The following MPRIP variants were observed in gnomAD, a reference collection of about 807,000 sequenced individuals.
MPRIP encodes the protein myosin phosphatase Rho interacting protein, also known as myosin phosphatase Rho-interacting protein.
A neutral mutation model predicts 234.9 loss-of-function variants in MPRIP; 59 were observed. That is an observed-to-expected ratio of 0.25 (90% confidence interval 0.20 to 0.31). The LOEUF is 0.31. MPRIP is among the 10% of genes least tolerant of loss of function. The probability of loss-of-function intolerance (pLI) is 1.00; values close to 1 mark genes in which losing one functional copy is unlikely to be tolerated. For synonymous variants in MPRIP, 1,144 were observed against 1,263.9 expected (o/e 0.91, Z 2.01); for missense variants, 2,436 against 3,071.0 (o/e 0.79, Z 4.89).
chr17:17,097,890 T>C (rs1207970485), intron 3 of MPRIP, among the ~76,000 whole-genome samples: 3 of 152,218 alleles, frequency 2.0e-5, no homozygotes, highest in Admixed American at 6.5e-5. Context: ...CACAGATGTT[T>C]AAGACTAAGT....
rs755348862 is a variant in MPRIP at position 17,043,118 on chromosome 17, T to G, written c.123+147T>G. 3.9e-6 allele frequency: 3 copies of G among 761,612 alleles called. No individual in the cohort carries two copies. The East Asian group carries it at 9.1e-5, about 23-fold the overall frequency. The allele number at this position is 761,612 out of a possible 1,614,324, so 47.2% of individuals were successfully genotyped here. A position where few individuals can be genotyped will look rare whatever the true frequency, so the allele number is the denominator to read the frequency against. ...ATGGGGACGGGGACGGGAAGTGCAT[T>G]GACAGAGCTGGGACAAAGGGAAAAT... On this transcript the variant is annotated intron_variant, in intron 1 of 23. Coordinates refer to ENST00000651222, the MANE Select transcript of MPRIP (RefSeq NM_001364716.4).
intron 1 of MPRIP, among the ~76,000 whole-genome samples, chr17:17,053,728 G>A (rs955452591): frequency 2.6e-5 from 4 of 152,212 alleles, no homozygotes; most frequent in Admixed American, 2.6e-4. Flanking sequence ...ACCTGTTTCT[G>A]TCTGTCCCAT....
chr17:17,109,776 T>C lies in MPRIP; in HGVS notation c.268-16926T>C, dbSNP rs777493629. ...AATTCTAGGGCTGGGGCGGGAAATA[T>C]ACCCTAAAGGTACATGAAGCACCTT... On this transcript the variant is annotated intron_variant, in intron 3 of 23. Coordinates refer to ENST00000651222, the MANE Select transcript of MPRIP (RefSeq NM_001364716.4). Among the ~76,000 whole-genome samples, 3 of 152,072 alleles carry C rather than the reference T, an allele frequency of 2.0e-5. No individual in the cohort carries two copies. The South Asian group carries it at 6.2e-4, about 31-fold the overall frequency.
At position 17,167,354 on chromosome 17, in the gene MPRIP, C is replaced by T; in HGVS notation, c.5763C>T (p.Ala1921=). The stretch of plus-strand genomic sequence containing the variant: ...ATGCAGAGCTCAAGGCCAAGGCCGC[C>T]CAGCTAGACCATCAGCAGCAGTGTC... The part of the protein sequence containing the change: ...RENAELKAKA[A]QLDHQQQCLE... The change falls in exon 16 of 24, where the codon GCC becomes GCT. Residue 1921 remains alanine, a synonymous_variant. Transcript: ENST00000651222. The surrounding 1 kb of genome is among the most constrained non-coding windows in gnomAD (Gnocchi z 5.9). 7.7e-7 allele frequency: 1 copy of T among 1,304,138 alleles called. No individual in the cohort carries two copies. Among genetic ancestry groups the T allele is most frequent in the Non-Finnish European group, 1.0e-6 (1 of 988,962 alleles). 80.8% of individuals were successfully genotyped at this position (1,304,138 alleles called of 1,614,324 possible).
intron 22 of MPRIP, among the ~76,000 whole-genome samples, chr17:17,179,245 G>A (rs1301399755): frequency 2.0e-5 from 3 of 151,840 alleles, no homozygotes; most frequent in South Asian, 2.1e-4. Context: ...TCAGGAGTTC[G>A]AGACCAGTCT....
At chr17:17,162,735 C>G (rs1034364081) in intron 15 of MPRIP, among the ~76,000 whole-genome samples, 1 of 152,166 alleles carries the variant, frequency 6.6e-6, no homozygotes, top group Non-Finnish European at 1.5e-5. Flanking sequence ...TGAAATGCTC[C>G]AAAATCCAAA....
In MPRIP at chr17:17,166,564, T is replaced by C; in HGVS notation, c.4973T>C (p.Leu1658Pro). 1 of 1,304,212 alleles carries C rather than the reference T, an allele frequency of 7.7e-7. No homozygotes were observed. Among genetic ancestry groups the C allele is most frequent in the Non-Finnish European group, 1.0e-6 (1 of 988,972 alleles). 80.8% of individuals were successfully genotyped at this position (1,304,212 alleles called of 1,614,324 possible). The change falls in exon 16 of 24, where the codon CTG becomes CCG. Residue 1658 changes from leucine (L) to proline (P), a missense_variant. Physicochemically the swap from Leu to Pro is moderately conservative, Grantham distance 98. Coordinates refer to ENST00000651222, the MANE Select transcript of MPRIP (RefSeq NM_001364716.4). This position sits in a 1 kb window ranked among gnomAD's most constrained non-coding sequence, Gnocchi z 4.4. The part of the protein sequence containing the change: ...GDGQQSIPQG[L>P]APILANATWV... Reference sequence around the variant, plus strand: ...GGGCAGCAAAGCATCCCACAGGGCCTGGCCCCCATCCTGGCCAATGCCACA... The same window carrying C: ...GGGCAGCAAAGCATCCCACAGGGCCCGGCCCCCATCCTGGCCAATGCCACA...
At chr17:17,145,545 G>A (rs1184893014) in intron 9 of MPRIP, among the ~76,000 whole-genome samples, 1 of 152,220 alleles carries the variant, frequency 6.6e-6, no homozygotes, top group Non-Finnish European at 1.5e-5. Context: ...GTGGAGAAAT[G>A]GCCTGAGGGT....
At chr17:17,051,414 C>T (rs938094840) in intron 1 of MPRIP, among the ~76,000 whole-genome samples, 3 of 152,148 alleles carry the variant, frequency 2.0e-5, no homozygotes, top group Non-Finnish European at 4.4e-5. Flanking sequence ...ACTCATTCCC[C>T]AAGCCACTCT....
At chr17:17,171,979 T>C in intron 17 of MPRIP, 114 bp downstream of exon 17, 3 of 1,235,830 alleles carry the variant, frequency 2.4e-6, no homozygotes, top group Non-Finnish European at 2.2e-6. Context: ...AGATGTAAAC[T>C]TCATTGTTGA....
intron 3 of MPRIP, among the ~76,000 whole-genome samples, chr17:17,124,994 G>A (rs2090463614): frequency 6.6e-6 from 1 of 152,174 alleles, no homozygotes; most frequent in African/African-American, 2.4e-5. Flanking sequence ...AAGGTGGCAG[G>A]GGCTTGGATC....
At chr17:17,073,892 C>A (rs922371025) in intron 1 of MPRIP, among the ~76,000 whole-genome samples, 3 of 152,212 alleles carry the variant, frequency 2.0e-5, no homozygotes, top group African/African-American at 7.2e-5. Flanking sequence ...ACCCACTCCC[C>A]TGTTGCAGCA....
At chr17:17,111,281 C>T (rs1249991870) in intron 3 of MPRIP, among the ~76,000 whole-genome samples, 1 of 147,350 alleles carries the variant, frequency 6.8e-6, no homozygotes, top group Non-Finnish European at 1.5e-5. Flanking sequence ...AGAGAGGAAG[C>T]CACTGTAGGC....
At chr17:17,085,464 T>C (rs1383247552) in intron 3 of MPRIP, among the ~76,000 whole-genome samples, 2 of 152,256 alleles carry the variant, frequency 1.3e-5, no homozygotes, top group Non-Finnish European at 2.9e-5. Flanking sequence ...TTCAGACTTT[T>C]GGTTGAGAGA....
At chr17:17,133,038 G>A (rs568646100) in intron 5 of MPRIP, among the ~76,000 whole-genome samples, 20 of 152,278 alleles carry the variant, frequency 1.3e-4, no homozygotes, top group African/African-American at 4.6e-4. Context: ...TGCAGAAGCC[G>A]CTCTCAGCCC....
chr17:17,165,042 A>C lies in MPRIP; in HGVS notation c.3451A>C (p.Arg1151=). 1 of 1,302,172 alleles carries C rather than the reference A, an allele frequency of 7.7e-7. No homozygotes were observed. Among genetic ancestry groups the C allele is most frequent in the South Asian group, 1.2e-5 (1 of 81,022 alleles). 80.7% of individuals were successfully genotyped at this position (1,302,172 alleles called of 1,614,324 possible). A position where few individuals can be genotyped will look rare whatever the true frequency, so the allele number is the denominator to read the frequency against. Reference sequence around the variant, plus strand: ...CCAGAGCCTGGAGCACTCCTACCAGAGGGTCTCCAGCCAGCTGCAGAGCAT... The same window carrying C: ...CCAGAGCCTGGAGCACTCCTACCAGCGGGTCTCCAGCCAGCTGCAGAGCAT... ...DNQSLEHSYQ[R]VSSQLQSMHT... Residue 1151 remains arginine (R), a synonymous_variant, in exon 16 of 24, where the codon AGG becomes CGG. Transcript: ENST00000651222.
At chr17:17,163,592 C>A (rs2144621816) in intron 15 of MPRIP, among the ~76,000 whole-genome samples, 1 of 152,264 alleles carries the variant, frequency 6.6e-6, no homozygotes, top group East Asian at 1.9e-4. Context: ...TTGGATGTCA[C>A]CTTGCTGACA....
intron 1 of MPRIP, among the ~76,000 whole-genome samples, chr17:17,051,898 G>A (rs949447825): frequency 2.0e-5 from 3 of 152,366 alleles, no homozygotes; most frequent in Middle Eastern, 3.4e-3. Flanking sequence ...GCAGCTTGGC[G>A]GTTGCATGCT....
At chr17:17,106,617 G>T (rs1213486215) in intron 3 of MPRIP, among the ~76,000 whole-genome samples, 1 of 152,208 alleles carries the variant, frequency 6.6e-6, no homozygotes, top group Non-Finnish European at 1.5e-5. Context: ...GGCTGGCCAG[G>T]CCTGCTGGAG....
Sources: gnomAD v4.1 joint callset for allele counts (sites outside exome capture counted in the v4.1 genomes callset) on GRCh38, gnomAD v4.1.1 for gene constraint, Gnocchi (gnomAD v3.1) non-coding constraint, MANE v1.5 for transcripts, NCBI Gene and HGNC (gene_info 2026-07-23, HGNC 2026-07-21) for gene names.